Variants in SPIDR observed in about 807,000 individuals in gnomAD.
SPIDR encodes scaffold protein involved in DNA repair.
In SPIDR, 93 loss-of-function variants were observed where a neutral mutation model predicts 104.6. The ratio of observed to expected loss-of-function variants is 0.89; its 90% CI spans 0.75 to 1.06. The LOEUF is 1.06. Among genes scored for constraint, SPIDR ranks in the 50% least tolerant of loss-of-function variants. The pLI is 0.00. For synonymous variants in SPIDR, 431 were observed against 416.9 expected (o/e 1.03, Z -0.41); for missense variants, 1,154 against 1,111.2 (o/e 1.04, Z -0.55).
chr8:47,365,134 C>T (rs2056938129), intron 5 of SPIDR, among the ~76,000 whole-genome samples: 1 of 152,210 alleles, frequency 6.6e-6, no homozygotes, highest in Non-Finnish European at 1.5e-5. Context: ...CCTTTGGAGG[C>T]ATCAAGCTCC....
intron 11 of SPIDR, among the ~76,000 whole-genome samples, chr8:47,685,541 G>C (rs2077698965): frequency 7.6e-6 from 1 of 131,466 alleles, no homozygotes; most frequent in Admixed American, 8.8e-5. Flanking sequence ...GTCTCTCTCT[G>C]TCGCCCAGGC....
At chr8:47,319,202 CT>C (rs1167455370) in intron 5 of SPIDR, among the ~76,000 whole-genome samples, 2 of 152,140 alleles carry the variant, frequency 1.3e-5, no homozygotes, top group African/African-American at 4.8e-5. Flanking sequence ...GGAAACCCAT[CT>C]CATGTGCAGA....
chr8:47,457,321 C>T (rs1334612670), intron 8 of SPIDR, among the ~76,000 whole-genome samples: 2 of 152,008 alleles, frequency 1.3e-5, no homozygotes, highest in African/African-American at 2.4e-5. Context: ...AAGGTGGTAC[C>T]GCATTGTGGT....
At chr8:47,638,439 C>T (rs541826326) in intron 10 of SPIDR, among the ~76,000 whole-genome samples, 5 of 152,242 alleles carry the variant, frequency 3.3e-5, no homozygotes, top group East Asian at 3.9e-4. Flanking sequence ...CCACCATACC[C>T]GGCCCAAATG....
At chr8:47,709,087 C>T (rs2081477606) in intron 14 of SPIDR, among the ~76,000 whole-genome samples, 2 of 151,934 alleles carry the variant, frequency 1.3e-5, no homozygotes. Context: ...ATTTTCTTGC[C>T]TTAGCCTCTC....
rs536555230 is a variant in SPIDR, at chr8:47,538,662, G to T, written c.1098-57149G>T. Among the ~76,000 whole-genome samples, 3 of 151,968 alleles carry T rather than the reference G, an allele frequency of 2.0e-5. No individual in the cohort carries two copies. In the East Asian group the frequency reaches 5.8e-4, roughly 29 times the overall value. On this transcript the variant is annotated intron_variant, in intron 8 of 19. Transcript: ENST00000297423. ...ATTATATTTAATATTTGAGTTTTCA[G>T]GTTTTGCCTCTATAAATTTGATATA... is the stretch of plus-strand genomic sequence containing the variant.
intron 10 of SPIDR, among the ~76,000 whole-genome samples, chr8:47,666,330 C>T (rs1477521123): frequency 6.6e-6 from 1 of 152,218 alleles, no homozygotes; most frequent in Non-Finnish European, 1.5e-5. Flanking sequence ...AGAGAGTTCT[C>T]TTAGAACACA....
intron 11 of SPIDR, among the ~76,000 whole-genome samples, chr8:47,698,524 T>C: frequency 6.6e-6 from 1 of 152,262 alleles, no homozygotes; most frequent in East Asian, 1.9e-4. Flanking sequence ...ACTAAGCATT[T>C]TATTTAACTC....
chr8:47,402,474 A>G lies in SPIDR; in HGVS notation c.777-5387A>G, dbSNP rs553781975. ...CTGCTAGCAGGACTAATAAAGAAGAAAAGAGAGAAGAATCAAATAGACACA... is the reference window on the plus strand; with the variant it reads ...CTGCTAGCAGGACTAATAAAGAAGAGAAGAGAGAAGAATCAAATAGACACA... On this transcript the variant is annotated intron_variant, in intron 6 of 19. Transcript: ENST00000297423. 7.2e-5 allele frequency among the ~76,000 whole-genome samples: 11 copies of G among 152,322 alleles called. 1 individual carries two copies. In the South Asian group the frequency reaches 2.3e-3, roughly 32 times the overall value.
intron 8 of SPIDR, among the ~76,000 whole-genome samples, chr8:47,564,407 C>G (rs946429321): frequency 6.8e-6 from 1 of 148,148 alleles, no homozygotes; most frequent in Non-Finnish European, 1.5e-5. Context: ...AGGCTGGGTG[C>G]GGTGGCTCAC....
At chr8:47,588,219 C>A (rs955912649) in intron 8 of SPIDR, among the ~76,000 whole-genome samples, 1 of 149,312 alleles carries the variant, frequency 6.7e-6, no homozygotes, top group Non-Finnish European at 1.5e-5. Context: ...AATATGTCTT[C>A]CATTTGTTAA....
chr8:47,509,426 A>G (rs1158281873), intron 8 of SPIDR, among the ~76,000 whole-genome samples: 2 of 152,196 alleles, frequency 1.3e-5, no homozygotes, highest in African/African-American at 2.4e-5. Context: ...CCTGGCATCT[A>G]GCTATTCTAG....
At chr8:47,263,029 T>G (rs2032926285) in intron 1 of SPIDR, among the ~76,000 whole-genome samples, 1 of 152,222 alleles carries the variant, frequency 6.6e-6, no homozygotes, top group African/African-American at 2.4e-5. Flanking sequence ...TTATATGTAT[T>G]AACTAATTTA....
At chr8:47,623,100 G>T (rs1021168421) in intron 10 of SPIDR, among the ~76,000 whole-genome samples, 1 of 152,182 alleles carries the variant, frequency 6.6e-6, no homozygotes. Flanking sequence ...GAATTAAAAT[G>T]AGGATCATCT....
chr8:47,615,126 A>C (rs900090488), intron 10 of SPIDR, among the ~76,000 whole-genome samples: 1 of 151,140 alleles, frequency 6.6e-6, no homozygotes, highest in Non-Finnish European at 1.5e-5. Context: ...GCTGGAGTGC[A>C]GTGGTGGGAT....
intron 16 of SPIDR, among the ~76,000 whole-genome samples, chr8:47,721,071 T>C (rs1357036424): frequency 6.6e-6 from 1 of 152,174 alleles, no homozygotes; most frequent in Non-Finnish European, 1.5e-5. Context: ...TTCATACTCT[T>C]AATAAGTCTT....
At chr8:47,503,521 T>C (rs2080917339) in intron 8 of SPIDR, among the ~76,000 whole-genome samples, 1 of 151,560 alleles carries the variant, frequency 6.6e-6, no homozygotes, top group Non-Finnish European at 1.5e-5. Flanking sequence ...ATTTTGAGCC[T>C]ATGTGTGTCT....
intron 8 of SPIDR, among the ~76,000 whole-genome samples, chr8:47,502,758 T>G (rs948151577): frequency 1.3e-5 from 2 of 152,238 alleles, no homozygotes; most frequent in Admixed American, 6.5e-5. Context: ...TTTCCTGCTT[T>G]CTCTTATGGG....
chr8:47,409,622 G>C (rs561528696), intron 7 of SPIDR, among the ~76,000 whole-genome samples: 1 of 152,178 alleles, frequency 6.6e-6, no homozygotes, highest in African/African-American at 2.4e-5. Context: ...TGATCTCCCC[G>C]TTCCCAATAA....
Sources: gnomAD v4.1 joint callset for allele counts (sites outside exome capture counted in the v4.1 genomes callset) on GRCh38, gnomAD v4.1.1 for gene constraint, MANE v1.5 for transcripts, NCBI Gene and HGNC (gene_info 2026-07-23, HGNC 2026-07-21) for gene names.